ADAM15: variants seen among roughly 807,000 people sequenced by gnomAD.
ADAM15 encodes disintegrin and metalloproteinase domain-containing protein 15.
A neutral mutation model predicts 113.8 loss-of-function variants in ADAM15; 77 were observed. That is an observed-to-expected ratio of 0.68 (90% CI 0.56 to 0.82). ADAM15 has a LOEUF of 0.82. Among genes scored for constraint, ADAM15 ranks in the 40% least tolerant of loss-of-function variants. The pLI is 0.00. For synonymous variants in ADAM15, 388 were observed against 454.1 expected (o/e 0.85, Z 1.85); for missense variants, 963 against 1,120.1 (o/e 0.86, Z 2.00).
intron 17 of ADAM15, 66 bp from the exon 18 acceptor site, chr1:155,060,139 C>A: frequency 6.3e-7 from 1 of 1,598,296 alleles, no homozygotes. Flanking sequence ...ACTCCCTGCC[C>A]CCTGCGCCTT....
rs1021309423 is a variant in ADAM15 at position 155,053,828 on chromosome 1, A to G, written c.264-82A>G. The G allele has an allele frequency of 2.9e-5, 44 of 1,524,786 alleles. 1 individual carries two copies. In the South Asian group the frequency reaches 5.0e-4, roughly 17 times the overall value. 94.5% of individuals were successfully genotyped at this position (1,524,786 alleles called of 1,614,324 possible). A position where few individuals can be genotyped will look rare whatever the true frequency, so the allele number is the denominator to read the frequency against. On this transcript the variant is annotated intron_variant, in intron 3 of 22. Transcript: ENST00000356955. ...CGGGGGTTGCCTGGTCCCCAGCCCC[A>G]CAACCACCTTCAAGCCTCTGCTTGT... is the stretch of plus-strand genomic sequence containing the variant.
chr1:155,062,580 A>G lies in ADAM15; in HGVS notation c.*78A>G, dbSNP rs1662806712. 6.4e-7 allele frequency: 1 copy of G among 1,550,704 alleles called. No homozygotes were observed. Among genetic ancestry groups the G allele is most frequent in the East Asian group, 2.3e-5 (1 of 42,564 alleles). On this transcript the variant is annotated 3_prime_UTR_variant, in exon 23 of 23. Coordinates refer to ENST00000356955, the MANE Select transcript of ADAM15 (RefSeq NM_207197.3). This position sits in a 1 kb window ranked among gnomAD's most constrained non-coding sequence, Gnocchi z 7.0. The stretch of plus-strand genomic sequence containing the variant: ...GGCGTGCCCTCTGGAGTCCCCTACC[A>G]TGACTGAAGGCGCCAGAGACTGGCG...
intron 19 of ADAM15, 71 bp from the exon 20 acceptor site, chr1:155,061,344 C>T: frequency 7.5e-7 from 1 of 1,328,994 alleles, no homozygotes; most frequent in Non-Finnish European, 1.1e-6. Context: ...GGCACTGACC[C>T]TTCCCTGCCC....
At chr1:155,053,168 G>T (rs1271034008) in intron 2 of ADAM15, among the ~76,000 whole-genome samples, 1 of 145,238 alleles carries the variant, frequency 6.9e-6, no homozygotes, top group South Asian at 2.2e-4. Context: ...CTTGTGCTGG[G>T]TCCTACACGG....
At position 155,056,180 on chromosome 1, in the gene ADAM15, A is replaced by G. The variant is rs1361311429; in HGVS notation, c.845A>G (p.Glu282Gly). 1 of 1,614,036 alleles carries G rather than the reference A, an allele frequency of 6.2e-7. No individual in the cohort carries two copies. Among genetic ancestry groups the G allele is most frequent in the Admixed American group, 1.7e-5 (1 of 60,020 alleles). ...EISPNPAVTL[E>G]NFLHWRRAHL... ...AGCCCAAACCCAGCTGTCACCCTCG[A>G]AAACTTCCTCCACTGGCGCAGGGCA... is the stretch of plus-strand genomic sequence containing the variant. Residue 282 changes from glutamate to glycine, a missense_variant, in exon 9 of 23, where the codon GAA (glutamate) becomes GGA (glycine). Coordinates refer to ENST00000356955, the MANE Select transcript of ADAM15 (RefSeq NM_207197.3). The surrounding 1 kb of genome is among the most constrained non-coding windows in gnomAD (Gnocchi z 4.0).
At chr1:155,051,491 G>C (rs764414963) in intron 1 of ADAM15, 26 bp downstream of exon 1, 6 of 1,516,898 alleles carry the variant, frequency 4.0e-6, no homozygotes, top group South Asian at 1.2e-5. Flanking sequence ...GGAGTGGGTC[G>C]GGGGGCGGAC....
Position 155,060,304 on chromosome 1 carries a change from A to G in ADAM15, c.2168A>G (p.Gln723Arg). ...TACTGGTACCGTGCCCGCCTGCACCAGCGACTCTGCCAGCTCAAGGGACCC... is the reference window on the plus strand; with the variant it reads ...TACTGGTACCGTGCCCGCCTGCACCGGCGACTCTGCCAGCTCAAGGGACCC... ...ASYWYRARLHQRLCQLKGPTC... is the reference protein window; with the variant it reads ...ASYWYRARLHRRLCQLKGPTC... The change falls in exon 18 of 23, where the codon CAG (glutamine) becomes CGG (arginine). Residue 723 changes from glutamine to arginine, a missense_variant. Transcript: ENST00000356955. The G allele has an allele frequency of 2.5e-6, 4 of 1,614,074 alleles. No homozygotes were observed. Among genetic ancestry groups the G allele is most frequent in the Non-Finnish European group, 3.4e-6 (4 of 1,180,002 alleles).
chr1:155,057,014 TG>T lies in ADAM15; in HGVS notation c.1064del (p.Gly355AlafsTer34). 1 of 1,606,918 alleles carries T rather than the reference TG, an allele frequency of 6.2e-7. No homozygotes were observed. Among genetic ancestry groups the T allele is most frequent in the Non-Finnish European group, 8.5e-7 (1 of 1,176,046 alleles). On this transcript the variant is annotated frameshift_variant, in exon 11 of 23. Coordinates refer to ENST00000356955, the MANE Select transcript of ADAM15 (RefSeq NM_207197.3). LOFTEE classifies it high-confidence loss of function. This position sits in a 1 kb window ranked among gnomAD's most constrained non-coding sequence, Gnocchi z 5.0. ...ATAGCCCATGAGTTGGGCCACAGCC[TG>T]GGCCTGGACCATGATTTGCCTGGGA... is the stretch of plus-strand genomic sequence containing the variant. ...SSIAHELGHS[L>X]GLDHDLPGNS...
Position 155,062,565 on chromosome 1 carries a change from C to T in ADAM15, c.*63C>T. On this transcript the variant is annotated 3_prime_UTR_variant, in exon 23 of 23. Coordinates refer to ENST00000356955, the MANE Select transcript of ADAM15 (RefSeq NM_207197.3). The surrounding 1 kb of genome is among the most constrained non-coding windows in gnomAD (Gnocchi z 7.0). ...GGGCTTCAAGAGGCGGGCGTGCCCT[C>T]TGGAGTCCCCTACCATGACTGAAGG... 6.3e-7 allele frequency: 1 copy of T among 1,583,796 alleles called. No individual in the cohort carries two copies. The highest frequency in any genetic ancestry group is 1.1e-5 in the South Asian group (1 of 87,874).
In ADAM15 at chr1:155,061,927, TCC is replaced by T. The variant is rs746565376; in HGVS notation, c.2380_2381del (p.Pro794TyrfsTer7). 9 of 1,554,246 alleles carry T rather than the reference TCC, an allele frequency of 5.8e-6. No individual in the cohort carries two copies. Among genetic ancestry groups the T allele is most frequent in the African/African-American group, 4.2e-5 (3 of 72,264 alleles). On this transcript the variant is annotated frameshift_variant, in exon 21 of 23. Transcript: ENST00000356955. LOFTEE classifies it high-confidence loss of function. ...LQAELADRPNPPTRPLPADPV... is the reference protein window; with the variant it reads ...LQAELADRPNXPTRPLPADPV... ...AGGCTGAGCTGGCTGACCGACCCAA[TCC>T]CCCTACCCGCCCTCTGCCCGCTGAC...
Position 155,052,761 on chromosome 1 carries a change from T to C in ADAM15, c.170T>C (p.Leu57Pro), listed in dbSNP as rs1192901473. ...QVLQDDLPIS[L>P]KKVLQTSLPE... The stretch of plus-strand genomic sequence containing the variant: ...CTTCAGGACGATCTCCCAATTAGCC[T>C]CAAAAAGGTGCTTCAGGTGAGCTCT... Residue 57 changes from leucine (L) to proline (P), a missense_variant, in exon 2 of 23, where the codon CTC becomes CCC. Transcript: ENST00000356955. The C allele has an allele frequency of 9.3e-6, 15 of 1,611,666 alleles. No individual in the cohort carries two copies. Among genetic ancestry groups the C allele is most frequent in the Non-Finnish European group, 1.3e-5 (15 of 1,179,166 alleles).
At position 155,057,273 on chromosome 1, in the gene ADAM15, G is replaced by T. The variant is rs754878868; in HGVS notation, c.1234G>T (p.Glu412Ter). The change falls in exon 12 of 23, where the codon GAA becomes TAA. Residue 412 changes from glutamate (E) to a stop codon, truncating the protein, a stop_gained. Transcript: ENST00000356955. LOFTEE classifies it high-confidence loss of function. The surrounding 1 kb of genome is among the most constrained non-coding windows in gnomAD (Gnocchi z 5.0). Reference sequence around the variant, plus strand: ...GGATGGAATGGGCAGCTGCCTCTTCGAACGGCTGCCTAGCCTACCCCCTAT... The same window carrying T: ...GGATGGAATGGGCAGCTGCCTCTTCTAACGGCTGCCTAGCCTACCCCCTAT... ...LLDGMGSCLF[E>*]RLPSLPPMAA... 6.2e-7 allele frequency: 1 copy of T among 1,614,146 alleles called. No individual in the cohort carries two copies. The highest frequency in any genetic ancestry group is 1.3e-5 in the African/African-American group (1 of 75,044).
Position 155,062,627 on chromosome 1 carries a change from C to A in ADAM15, c.*125C>A. On this transcript the variant is annotated 3_prime_UTR_variant, in exon 23 of 23. Coordinates refer to ENST00000356955, the MANE Select transcript of ADAM15 (RefSeq NM_207197.3). The surrounding 1 kb of genome is among the most constrained non-coding windows in gnomAD (Gnocchi z 7.0). ...GGCGGTGTCTTAAGACTCCGGGCAC[C>A]GCCACGCGCTGTCAAGCAACACTCT... 7.5e-7 allele frequency: 1 copy of A among 1,325,324 alleles called. No individual in the cohort carries two copies. 82.1% of individuals were successfully genotyped at this position (1,325,324 alleles called of 1,614,324 possible). A position where few individuals can be genotyped will look rare whatever the true frequency, so the allele number is the denominator to read the frequency against.
Position 155,058,534 on chromosome 1 carries a change from G to C in ADAM15, c.1917+93G>C. The C allele has an allele frequency of 6.4e-7, 1 of 1,560,566 alleles. No individual in the cohort carries two copies. The highest frequency in any genetic ancestry group is 8.7e-7 in the Non-Finnish European group (1 of 1,155,970). ...GACTTCACCATTCACCAATGTCAAAGGCAGGGACTCCAAGGGAAGTCAGTT... is the reference window on the plus strand; with the variant it reads ...GACTTCACCATTCACCAATGTCAAACGCAGGGACTCCAAGGGAAGTCAGTT... On this transcript the variant is annotated intron_variant, in intron 15 of 22. Transcript: ENST00000356955. The surrounding 1 kb of genome is among the most constrained non-coding windows in gnomAD (Gnocchi z 4.3).
intron 6 of ADAM15, 200 bp from the exon 7 acceptor site, chr1:155,055,590 A>G: frequency 1.6e-6 from 1 of 611,328 alleles, no homozygotes; most frequent in Non-Finnish European, 2.9e-6. Context: ...GCAGGGGTCT[A>G]CTCCAACCTT....
At position 155,055,681 on chromosome 1, in the gene ADAM15, A is replaced by G. The variant is rs1571606615; in HGVS notation, c.613-109A>G. On this transcript the variant is annotated intron_variant, in intron 6 of 22. Transcript: ENST00000356955. ...GGCTCATCTGTAAAATGGGCTCTTC[A>G]CCCTCCTATTTGACCCACAGAGTAG... 5 of 1,223,986 alleles carry G rather than the reference A, an allele frequency of 4.1e-6. No homozygotes were observed. In the East Asian group the frequency reaches 9.4e-5, roughly 23 times the overall value. 75.8% of individuals were successfully genotyped at this position (1,223,986 alleles called of 1,614,324 possible).
rs1368289216 is a variant in ADAM15 at position 155,056,536 on chromosome 1, G to T, written c.999+66G>T. 1.3e-6 allele frequency: 2 copies of T among 1,501,592 alleles called. No individual in the cohort carries two copies. The highest frequency in any genetic ancestry group is 3.4e-5 in the Admixed American group (2 of 58,268). The allele number at this position is 1,501,592 out of a possible 1,614,324, so 93.0% of individuals were successfully genotyped here. On this transcript the variant is annotated intron_variant, in intron 10 of 22. Transcript: ENST00000356955. The surrounding 1 kb of genome is among the most constrained non-coding windows in gnomAD (Gnocchi z 4.0). Reference sequence around the variant, plus strand: ...TCCTCCCAAGTGTGGTGGCATTTATGCACTGAAACCCCCCTATAAAGTTGC... The same window carrying T: ...TCCTCCCAAGTGTGGTGGCATTTATTCACTGAAACCCCCCTATAAAGTTGC...
At chr1:155,060,069 C>A in intron 17 of ADAM15, 95 bp downstream of exon 17, 2 of 1,573,224 alleles carry the variant, frequency 1.3e-6, no homozygotes, top group Non-Finnish European at 1.7e-6. Flanking sequence ...CCCCCCTTTG[C>A]TGCTGGTTCC....
Position 155,058,805 on chromosome 1 carries a change from A to G in ADAM15, c.1995+18A>G, listed in dbSNP as rs1474144301. The G allele has an allele frequency of 6.2e-7, 1 of 1,604,844 alleles. No individual in the cohort carries two copies. On this transcript the variant is annotated intron_variant, in intron 16 of 22. Transcript: ENST00000356955. This position sits in a 1 kb window ranked among gnomAD's most constrained non-coding sequence, Gnocchi z 4.3. ...GACATGGGGTGAGCTGGGATGGGGG[A>G]AGTGGAAGGGGAGCAGAGAGCCTCT...
Sources: gnomAD v4.1 joint callset for allele counts (sites outside exome capture counted in the v4.1 genomes callset) on GRCh38, gnomAD v4.1.1 for gene constraint, Gnocchi (gnomAD v3.1) non-coding constraint, MANE v1.5 for transcripts, NCBI Gene and HGNC (gene_info 2026-07-23, HGNC 2026-07-21) for gene names.